P3H2: variants seen among roughly 807,000 people sequenced by gnomAD.
P3H2 encodes the protein leprecan-like 1.
A neutral mutation model predicts 87.0 loss-of-function variants in P3H2; 80 were observed. The observed-to-expected ratio is 0.92, with a 90% CI of 0.77 to 1.11. The LOEUF (loss-of-function observed/expected upper bound fraction) is 1.11. Among genes scored for constraint, P3H2 ranks in the 50% least tolerant of loss-of-function variants. P3H2 has a pLI of 0.00. For synonymous variants in P3H2, 367 were observed against 359.3 expected (o/e 1.02, Z -0.24); for missense variants, 1,001 against 923.9 (o/e 1.08, Z -1.08).
rs912347580 is a variant in P3H2, at chr3:189,970,944, G to A, written c.1818-53C>T. On this transcript the variant is annotated intron_variant, in intron 12 of 14. Coordinates refer to ENST00000319332, the MANE Select transcript of P3H2 (RefSeq NM_018192.4). ...TATTATTATATGCTTATGAGAGCATGGTCATAGAATACTGAAGACTGGTGA... is the reference window on the plus strand; with the variant it reads ...TATTATTATATGCTTATGAGAGCATAGTCATAGAATACTGAAGACTGGTGA... 9 of 1,014,454 alleles carry A rather than the reference G, an allele frequency of 8.9e-6. No homozygotes were observed. In the African/African-American group the frequency reaches 1.3e-4, roughly 14 times the overall value. The allele number at this position is 1,014,454 out of a possible 1,614,324, so 62.8% of individuals were successfully genotyped here.
chr3:190,030,884 A>T (rs979748815), intron 1 of P3H2, among the ~76,000 whole-genome samples: 1 of 152,228 alleles, frequency 6.6e-6, no homozygotes, highest in Admixed American at 6.5e-5. Flanking sequence ...GATGTTAGAA[A>T]AATTGGTTGA....
chr3:189,994,314 A>T, intron 2 of P3H2, 31 bp from the exon 3 acceptor site: 1 of 1,491,158 alleles, frequency 6.7e-7, no homozygotes, highest in Non-Finnish European at 9.3e-7. Context: ...AAAAACAAAC[A>T]AACAAACAAA....
intron 1 of P3H2, among the ~76,000 whole-genome samples, chr3:190,033,621 A>G (rs2108948978): frequency 6.6e-6 from 1 of 152,256 alleles, no homozygotes; most frequent in Admixed American, 6.5e-5. Flanking sequence ...TAGCATTTCA[A>G]TCTTCATTTG....
intron 1 of P3H2, among the ~76,000 whole-genome samples, chr3:190,033,692 G>A (rs1005525246): frequency 1.3e-5 from 2 of 152,082 alleles, no homozygotes; most frequent in African/African-American, 4.8e-5. Flanking sequence ...GGCTGTAAAA[G>A]TCCCAAAAGA....
At chr3:190,011,637 G>A (rs1270828033) in intron 1 of P3H2, among the ~76,000 whole-genome samples, 2 of 152,082 alleles carry the variant, frequency 1.3e-5, no homozygotes, top group Non-Finnish European at 2.9e-5. Flanking sequence ...GAGCTGCCTG[G>A]GGAATGTCAT....
chr3:190,007,963 C>CAT (rs1385863469), intron 1 of P3H2, among the ~76,000 whole-genome samples: 261 of 19,916 alleles, frequency 0.013, 2 homozygotes, highest in South Asian at 0.037. Flanking sequence ...TTTGTTGACA[C>CAT]ACATATATAT....
chr3:190,110,292 T>A (rs914219443), intron 1 of P3H2, among the ~76,000 whole-genome samples: 4 of 152,158 alleles, frequency 2.6e-5, no homozygotes, highest in African/African-American at 9.7e-5. Flanking sequence ...ACTACTGATA[T>A]AACAGGTAAA....
chr3:190,055,968 G>A (rs370571979), intron 1 of P3H2, among the ~76,000 whole-genome samples: 3 of 152,304 alleles, frequency 2.0e-5, no homozygotes, highest in African/African-American at 7.2e-5. Flanking sequence ...CAGCGTGGCT[G>A]TATTTGGAGA....
At chr3:190,041,020 C>CTATATA (rs71635315) in intron 1 of P3H2, among the ~76,000 whole-genome samples, 1,026 of 51,906 alleles carry the variant, frequency 0.02, 14 homozygotes, top group Non-Finnish European at 0.032. Context: ...CATGGCTCTA[C>CTATATA]TATATATATA....
chr3:189,995,068 G>GT (rs546835053), intron 2 of P3H2, among the ~76,000 whole-genome samples: 7 of 151,664 alleles, frequency 4.6e-5, no homozygotes, highest in Middle Eastern at 6.8e-3. Context: ...TAATTTTTTA[G>GT]TTTTTTTATT....
chr3:190,046,047 C>T (rs1350526976), intron 1 of P3H2, among the ~76,000 whole-genome samples: 1 of 151,614 alleles, frequency 6.6e-6, no homozygotes, highest in African/African-American at 2.4e-5. Context: ...GGCGTGAACC[C>T]GGGAGGCAGA....
intron 1 of P3H2, among the ~76,000 whole-genome samples, chr3:190,028,491 G>A (rs1725151601): frequency 6.6e-6 from 1 of 152,108 alleles, no homozygotes; most frequent in Non-Finnish European, 1.5e-5. Flanking sequence ...AATTAGAGGG[G>A]AACTTGTCAA....
At chr3:189,988,685 A>G (rs1560350499) in intron 4 of P3H2, among the ~76,000 whole-genome samples, 1 of 152,194 alleles carries the variant, frequency 6.6e-6, no homozygotes, top group Non-Finnish European at 1.5e-5. Flanking sequence ...AATCTAGTAT[A>G]ATTTTCAGTA....
chr3:190,066,879 C>A (rs1014453882), intron 1 of P3H2, among the ~76,000 whole-genome samples: 1 of 152,134 alleles, frequency 6.6e-6, no homozygotes, highest in South Asian at 2.1e-4. Flanking sequence ...GCCTAGAGTG[C>A]CTTCTCCTTC....
chr3:190,066,832 G>A (rs1726524869), intron 1 of P3H2, among the ~76,000 whole-genome samples: 1 of 151,944 alleles, frequency 6.6e-6, no homozygotes, highest in Non-Finnish European at 1.5e-5. Context: ...AAGTCAGACA[G>A]CCCCTCATCT....
At chr3:189,983,248 T>A in intron 7 of P3H2, 108 bp from the exon 8 acceptor site, 1 of 810,630 alleles carries the variant, frequency 1.2e-6, no homozygotes, top group Non-Finnish European at 2.1e-6. Context: ...TGTATTTTAT[T>A]GTAAACAAGT....
chr3:190,106,080 A>G (rs1711821962), intron 1 of P3H2, among the ~76,000 whole-genome samples: 2 of 152,180 alleles, frequency 1.3e-5, no homozygotes, highest in Admixed American at 1.3e-4. Flanking sequence ...AAAATTCCCA[A>G]GATGTGTCTG....
chr3:189,995,208 T>C, intron 2 of P3H2, 82 bp downstream of exon 2: 2 of 1,295,740 alleles, frequency 1.5e-6, no homozygotes, highest in South Asian at 1.2e-5. Flanking sequence ...GAGATATTCA[T>C]TCATAGAAAT....
intron 1 of P3H2, among the ~76,000 whole-genome samples, chr3:190,026,005 T>G (rs1725075693): frequency 6.6e-6 from 1 of 152,208 alleles, no homozygotes; most frequent in Non-Finnish European, 1.5e-5. Flanking sequence ...TTTGATTTGA[T>G]TTTTTGTTTT....
Sources: allele counts gnomAD v4.1 joint callset (sites outside exome capture counted in the v4.1 genomes callset), GRCh38; gene constraint gnomAD v4.1.1; transcripts MANE v1.5; gene names NCBI Gene and HGNC (gene_info 2026-07-23, HGNC 2026-07-21).